Variants in ANO3 observed in about 807,000 individuals in gnomAD.
ANO3 encodes anoctamin 3.
ANO3 carries 99 observed loss-of-function variants against 144.8 expected under a neutral mutation model. That is an observed-to-expected ratio of 0.68 (90% CI 0.58 to 0.81). ANO3 has a LOEUF of 0.81. ANO3 is among the 30% of genes least tolerant of loss of function. The probability of loss-of-function intolerance (pLI) is 0.00; values close to 1 mark genes in which losing one functional copy is unlikely to be tolerated. For missense variants in ANO3, 905 were observed against 1,202.2 expected, an observed-to-expected ratio of 0.75 and a Z score of 3.66; for synonymous variants, 414 against 392.6, an observed-to-expected ratio of 1.05 and a Z score of -0.64.
intron 1 of ANO3, among the ~76,000 whole-genome samples, chr11:26,204,140 C>T (rs370547971): frequency 1.3e-5 from 2 of 152,046 alleles, no homozygotes; most frequent in Non-Finnish European, 1.5e-5. Flanking sequence ...CTCTACACCC[C>T]CTCTGGGGAG....
In ANO3 at chr11:26,480,816, TATAAATAA is replaced by T. The variant is rs549373673; in HGVS notation, c.432+17686_432+17693del. Among the ~76,000 whole-genome samples, 6 of 151,188 alleles carry T rather than the reference TATAAATAA, an allele frequency of 4.0e-5. No individual in the cohort carries two copies. The South Asian group carries it at 1.0e-3, about 26-fold the overall frequency. ...GAGTGAGACCCTGTCTCAAAAACAA[TATAAATAA>T]ATAAATAAATAAATAAAATAATTGA... On this transcript the variant is annotated intron_variant, in intron 4 of 26. Coordinates refer to ENST00000256737, the MANE Select transcript of ANO3 (RefSeq NM_031418.4).
chr11:26,484,429 G>A (rs117015044), intron 4 of ANO3, among the ~76,000 whole-genome samples: 3,403 of 152,318 alleles, frequency 0.022, 64 homozygotes, highest in Non-Finnish European at 0.036. Context: ...GAAGCCACAA[G>A]TCATGGCAGC....
upstream of ANO3, among the ~76,000 whole-genome samples, chr11:26,328,942 G>A (rs560404790): frequency 6.6e-6 from 1 of 151,998 alleles, no homozygotes; most frequent in South Asian, 2.1e-4. Context: ...TTTATTTCTA[G>A]GCTTTTTTTT....
chr11:26,290,828 A>C (rs538095958), intron 1 of ANO3, among the ~76,000 whole-genome samples: 1 of 152,332 alleles, frequency 6.6e-6, no homozygotes, highest in African/African-American at 2.4e-5. Flanking sequence ...CTTTACTTCC[A>C]ACAATGTGGA....
At chr11:26,561,566 C>A (rs1003671875) in intron 14 of ANO3, among the ~76,000 whole-genome samples, 2 of 151,234 alleles carry the variant, frequency 1.3e-5, no homozygotes, top group African/African-American at 4.8e-5. Flanking sequence ...GCCTTGTCAA[C>A]ATGTTCAGAA....
intron 1 of ANO3, among the ~76,000 whole-genome samples, chr11:26,201,197 A>G (rs548199564): frequency 1.3e-5 from 2 of 152,134 alleles, no homozygotes; most frequent in Non-Finnish European, 2.9e-5. Flanking sequence ...TTTATCTTCT[A>G]TGCTGTAAAA....
intron 1 of ANO3, among the ~76,000 whole-genome samples, chr11:26,413,506 T>G (rs1857488530): frequency 6.6e-6 from 1 of 152,076 alleles, no homozygotes; most frequent in Admixed American, 6.6e-5. Flanking sequence ...GAAATCTTGT[T>G]ATTTCAACCC....
chr11:26,642,805 TTC>T (rs372882835), intron 22 of ANO3, among the ~76,000 whole-genome samples: 2 of 149,938 alleles, frequency 1.3e-5, no homozygotes, highest in African/African-American at 4.9e-5. Context: ...CTCTTTCTTC[TTC>T]TTTTTCCTCC....
chr11:26,654,494 TC>T (rs1187372571), intron 24 of ANO3, among the ~76,000 whole-genome samples: 1 of 152,178 alleles, frequency 6.6e-6, no homozygotes, highest in Admixed American at 6.5e-5. Context: ...ACTCATTAAT[TC>T]AAATGGTTTT....
chr11:26,255,601 A>G (rs964730022), intron 1 of ANO3, among the ~76,000 whole-genome samples: 2 of 152,188 alleles, frequency 1.3e-5, no homozygotes, highest in Non-Finnish European at 2.9e-5. Flanking sequence ...GTTTGAGAAT[A>G]CAGGTGAGAT....
At chr11:26,608,287 G>C (rs965479391) in intron 17 of ANO3, among the ~76,000 whole-genome samples, 1 of 152,158 alleles carries the variant, frequency 6.6e-6, no homozygotes, top group Admixed American at 6.5e-5. Context: ...AAGGAGGCTG[G>C]AGAACAGAAA....
chr11:26,556,747 G>A (rs1287152939), intron 13 of ANO3, among the ~76,000 whole-genome samples: 1 of 152,102 alleles, frequency 6.6e-6, no homozygotes, highest in Admixed American at 6.6e-5. Context: ...TGCCCAAGAG[G>A]TAAGGAATGA....
intron 14 of ANO3, chr11:26,563,204 C>T (rs1195899269): frequency 6.2e-7 from 1 of 1,612,162 alleles, no homozygotes. Context: ...CAAGAGTAAG[C>T]AATGAGACAC....
At chr11:26,355,366 T>C (rs1438170173) in intron 1 of ANO3, among the ~76,000 whole-genome samples, 1 of 152,184 alleles carries the variant, frequency 6.6e-6, no homozygotes, top group Non-Finnish European at 1.5e-5. Context: ...ATAGCATTAT[T>C]CTGCTGCTGA....
chr11:26,556,571 A>C (rs551937126), intron 13 of ANO3, among the ~76,000 whole-genome samples: 1 of 152,290 alleles, frequency 6.6e-6, no homozygotes, highest in South Asian at 2.1e-4. Context: ...TCAATTGGTC[A>C]AGGGTGAGGC....
At chr11:26,230,566 G>A (rs1340370870) in intron 1 of ANO3, among the ~76,000 whole-genome samples, 1 of 151,854 alleles carries the variant, frequency 6.6e-6, no homozygotes, top group Non-Finnish European at 1.5e-5. Context: ...GGAGGCCAAG[G>A]TGGGCAGATC....
intron 11 of ANO3, among the ~76,000 whole-genome samples, chr11:26,546,244 T>A (rs1031484196): frequency 6.6e-6 from 1 of 151,790 alleles, no homozygotes; most frequent in Non-Finnish European, 1.5e-5. Context: ...GTATGAGAAA[T>A]GAATGTTCTA....
intron 14 of ANO3, chr11:26,565,221 G>C: frequency 6.6e-7 from 1 of 1,518,318 alleles, no homozygotes; most frequent in Non-Finnish European, 8.8e-7. Context: ...GAATTTTAAG[G>C]TAGGCTGTAG....
intron 1 of ANO3, among the ~76,000 whole-genome samples, chr11:26,390,042 A>C (rs1856835253): frequency 6.6e-6 from 1 of 152,084 alleles, no homozygotes; most frequent in Admixed American, 6.6e-5. Flanking sequence ...GAAGACAATA[A>C]ATCATCAATA....
Sources: allele counts gnomAD v4.1 joint callset (sites outside exome capture counted in the v4.1 genomes callset), GRCh38; gene constraint gnomAD v4.1.1; transcripts MANE v1.5; gene names NCBI Gene and HGNC (gene_info 2026-07-23, HGNC 2026-07-21).